The following DAB2IP variants were observed in gnomAD, a reference collection of about 807,000 sequenced individuals.
DAB2IP encodes disabled homolog 2-interacting protein.
A neutral mutation model predicts 107.2 loss-of-function variants in DAB2IP; 28 were observed. That is an observed-to-expected ratio of 0.26 (90% CI 0.19 to 0.36). The LOEUF is 0.36. DAB2IP is among the 10% of genes least tolerant of loss of function. The pLI is 1.00. For missense variants in DAB2IP, 1,400 were observed against 1,644.7 expected (o/e 0.85, Z 2.57); for synonymous variants, 755 against 706.4 (o/e 1.07, Z -1.09).
At chr9:121,767,577 C>T (rs1441770004) in intron 9 of DAB2IP, among the ~76,000 whole-genome samples, 2 of 152,118 alleles carry the variant, frequency 1.3e-5, no homozygotes, top group East Asian at 1.9e-4. Flanking sequence ...GAGAAGCGGG[C>T]GATGAGACCT....
chr9:121,745,544 C>T (rs1832661635), intron 3 of DAB2IP, among the ~76,000 whole-genome samples: 1 of 151,348 alleles, frequency 6.6e-6, no homozygotes, highest in Non-Finnish European at 1.5e-5. Context: ...GCTGACATCC[C>T]TAGGCCCATA....
chr9:121,666,536 A>G (rs992582768), intron 1 of DAB2IP, among the ~76,000 whole-genome samples: 1 of 152,074 alleles, frequency 6.6e-6, no homozygotes, highest in East Asian at 2.0e-4. Context: ...CAATGAGAAC[A>G]TGTGGACACA....
chr9:121,656,691 T>C (rs933366993), intron 1 of DAB2IP, among the ~76,000 whole-genome samples: 1 of 152,158 alleles, frequency 6.6e-6, no homozygotes, highest in Non-Finnish European at 1.5e-5. Context: ...GCGTGCCTGC[T>C]CCATGCCTGG....
intron 1 of DAB2IP, among the ~76,000 whole-genome samples, chr9:121,629,781 A>C (rs1236692336): frequency 2.0e-5 from 3 of 152,006 alleles, no homozygotes; most frequent in Non-Finnish European, 2.9e-5. Context: ...GTGGGTGGAG[A>C]TGCAGGACTG....
intron 1 of DAB2IP, among the ~76,000 whole-genome samples, chr9:121,587,256 CA>C (rs1472181597): frequency 6.6e-6 from 1 of 152,020 alleles, no homozygotes; most frequent in African/African-American, 2.4e-5. Flanking sequence ...GCAGTGTAGG[CA>C]GAGGAAACAG....
chr9:121,771,355 T>A (rs1012318656), intron 11 of DAB2IP, among the ~76,000 whole-genome samples: 3 of 152,114 alleles, frequency 2.0e-5, no homozygotes, highest in Non-Finnish European at 4.4e-5. Context: ...TACTCTCCCC[T>A]CTCCCGCCAG....
chr9:121,700,021 A>G (rs1302187983), intron 3 of DAB2IP, among the ~76,000 whole-genome samples: 1 of 152,226 alleles, frequency 6.6e-6, no homozygotes, highest in Non-Finnish European at 1.5e-5. Context: ...TGGCGCTAGC[A>G]GAGCGGGCAG....
In DAB2IP at chr9:121,683,434, GGGGTGT is replaced by G. The variant is rs1828698950; in HGVS notation, c.228+4657_228+4662del. On this transcript the variant is annotated intron_variant, in intron 2 of 15. Coordinates refer to ENST00000408936, the Ensembl canonical transcript of DAB2IP. ...AACCTTGAGGATGGCTGGCAGGCCT[GGGGTGT>G]GGGAGGTGGCAGAGGCTCAGGGAAA... 2.0e-5 allele frequency among the ~76,000 whole-genome samples: 3 copies of G among 152,288 alleles called. No individual in the cohort carries two copies. In the East Asian group the frequency reaches 5.8e-4, roughly 29 times the overall value.
At chr9:121,667,617 A>G (rs1398702930) in intron 1 of DAB2IP, among the ~76,000 whole-genome samples, 2 of 151,762 alleles carry the variant, frequency 1.3e-5, no homozygotes, top group Non-Finnish European at 2.9e-5. Flanking sequence ...CAGCCTCCTG[A>G]GTAGTTGGGA....
At chr9:121,716,595 T>C (rs1830616041) in intron 3 of DAB2IP, among the ~76,000 whole-genome samples, 1 of 152,176 alleles carries the variant, frequency 6.6e-6, no homozygotes, top group Admixed American at 6.5e-5. Flanking sequence ...CCTGAGAGTA[T>C]AGAGGGGATC....
upstream of DAB2IP, among the ~76,000 whole-genome samples, chr9:121,646,609 C>A (rs1832548081): frequency 1.3e-5 from 2 of 151,002 alleles, no homozygotes; most frequent in South Asian, 2.1e-4. Flanking sequence ...CTGGGGACTT[C>A]CCCGGTCACC....
chr9:121,610,947 T>G (rs1831071270), intron 1 of DAB2IP, among the ~76,000 whole-genome samples: 1 of 152,144 alleles, frequency 6.6e-6, no homozygotes, highest in South Asian at 2.1e-4. Flanking sequence ...AGGGATTTCC[T>G]TTTGAGTGGA....
intron 1 of DAB2IP, among the ~76,000 whole-genome samples, chr9:121,590,231 C>G (rs1056172426): frequency 2.0e-5 from 3 of 149,946 alleles, no homozygotes. Context: ...GCTCCGTGAC[C>G]GTCATGCCCC....
At chr9:121,647,778 AAC>A (rs1053908469), upstream of DAB2IP, among the ~76,000 whole-genome samples, 1 of 151,500 alleles carries the variant, frequency 6.6e-6, no homozygotes, top group Non-Finnish European at 1.5e-5. Flanking sequence ...TATATACATA[AAC>A]ACACATATAT....
chr9:121,739,400 G>T (rs1308199493), intron 3 of DAB2IP, among the ~76,000 whole-genome samples: 1 of 152,226 alleles, frequency 6.6e-6, no homozygotes, highest in African/African-American at 2.4e-5. Context: ...GATTTATTCA[G>T]TGCAGTGGGG....
chr9:121,652,971 G>A (rs1832813416), intron 1 of DAB2IP, among the ~76,000 whole-genome samples: 1 of 152,162 alleles, frequency 6.6e-6, no homozygotes, highest in Non-Finnish European at 1.5e-5. Context: ...GGCTTCCTCA[G>A]GAAGTAGTGA....
rs1829659645 is a variant in DAB2IP, at chr9:121,699,650, C to T, written c.362+192C>T. 6.6e-6 allele frequency among the ~76,000 whole-genome samples: 1 copy of T among 151,990 alleles called. No individual in the cohort carries two copies. The highest frequency in any genetic ancestry group is 1.5e-5 in the Non-Finnish European group (1 of 67,948). On this transcript the variant is annotated intron_variant, in intron 3 of 15. Coordinates refer to ENST00000408936, the Ensembl canonical transcript of DAB2IP. This position sits in a 1 kb window ranked among gnomAD's most constrained non-coding sequence, Gnocchi z 6.2. Reference sequence around the variant, plus strand: ...CCCGAGGGGAGGACCCTGTGCCTCCCTCCGGGGTTAGGTGAGTAGAAGAGA... The same window carrying T: ...CCCGAGGGGAGGACCCTGTGCCTCCTTCCGGGGTTAGGTGAGTAGAAGAGA...
chr9:121,678,331 T>C (rs1371993764), intron 1 of DAB2IP, among the ~76,000 whole-genome samples: 2 of 152,256 alleles, frequency 1.3e-5, no homozygotes, highest in South Asian at 2.1e-4. Flanking sequence ...CATTCCTTTT[T>C]AGAGCAGAAT....
chr9:121,573,138 G>T (rs1386998803), intron 1 of DAB2IP, among the ~76,000 whole-genome samples: 1 of 152,070 alleles, frequency 6.6e-6, no homozygotes, highest in Non-Finnish European at 1.5e-5. Flanking sequence ...GTGCAATGGC[G>T]CAATCTCGGC....
Sources: allele counts gnomAD v4.1 joint callset (sites outside exome capture counted in the v4.1 genomes callset), GRCh38; gene constraint gnomAD v4.1.1; non-coding constraint Gnocchi (gnomAD v3.1); transcripts MANE v1.5; gene names NCBI Gene and HGNC (gene_info 2026-07-23, HGNC 2026-07-21).